Variants in ZNF888 observed in about 807,000 individuals in gnomAD.
ZNF888 encodes CTD-2331H12.6.
A neutral mutation model predicts 7.2 loss-of-function variants in ZNF888; 5 were observed. The ratio of observed to expected loss-of-function variants is 0.70; its 90% CI spans 0.36 to 1.46. ZNF888 has a LOEUF of 1.46. Ranked by LOEUF, ZNF888 falls within the 40% of genes most tolerant of loss-of-function variation. The pLI is 0.03. For missense variants in ZNF888, 716 were observed against 858.0 expected, an observed-to-expected ratio of 0.83 and a Z score of 2.07; for synonymous variants, 240 against 284.3, an observed-to-expected ratio of 0.84 and a Z score of 1.57.
chr19:52,914,315 C>T, intron 4 of ZNF888: 2 of 983,112 alleles, frequency 2.0e-6, no homozygotes, highest in South Asian at 9.4e-5. Context: ...AATATATTCC[C>T]ACCCATCTGG....
chr19:52,916,603 C>T (rs1375180076), intron 3 of ZNF888, among the ~76,000 whole-genome samples: 3 of 48,690 alleles, frequency 6.2e-5, no homozygotes, highest in South Asian at 9.6e-4. Flanking sequence ...TATATACATA[C>T]ATATACATAT....
In ZNF888 at chr19:52,907,698, G is replaced by A. The variant is rs2064627936; in HGVS notation, c.624C>T (p.His208=). The A allele has an allele frequency of 6.2e-7, 1 of 1,611,024 alleles. No individual in the cohort carries two copies. The highest frequency in any genetic ancestry group is 2.2e-5 in the East Asian group (1 of 44,858). ...TAAATTGGAAAGATTTTTCTTTCCTGTGTACATCCTGTTTCTGTGTGAGTA... is the reference window on the plus strand; with the variant it reads ...TAAATTGGAAAGATTTTTCTTTCCTATGTACATCCTGTTTCTGTGTGAGTA... ...SSLLTQKQDV[H]RKEKSFQFNE... The change falls in exon 5 of 5, where the codon CAC becomes CAT. Residue 208 remains histidine (H), a synonymous_variant. Coordinates refer to ENST00000638862, the MANE Select transcript of ZNF888 (RefSeq NM_001393938.1).
intron 4 of ZNF888, chr19:52,914,145 G>C (rs1359315880): frequency 2.5e-5 from 4 of 157,152 alleles, no homozygotes; most frequent in African/African-American, 4.8e-5. Context: ...AGAGCAGAGA[G>C]ATAAGTGAGG....
intron 4 of ZNF888, among the ~76,000 whole-genome samples, chr19:52,908,800 C>T (rs1046255788): frequency 4.1e-5 from 6 of 146,974 alleles, no homozygotes; most frequent in African/African-American, 1.0e-4. Flanking sequence ...GAGCCAACAT[C>T]GCACCACTGC....
chr19:52,913,689 A>G (rs907200765), intron 4 of ZNF888: 7 of 978,140 alleles, frequency 7.2e-6, no homozygotes, highest in Non-Finnish European at 8.5e-6. Context: ...TACCTGCAAC[A>G]ATAACCTCTG....
rs2064844085 is a variant in ZNF888, at chr19:52,923,369, C to T, written c.-178G>A. 1.0e-6 allele frequency: 1 copy of T among 985,860 alleles called. No homozygotes were observed. The highest frequency in any genetic ancestry group is 1.2e-6 in the Non-Finnish European group (1 of 830,026). The allele number at this position is 985,860 out of a possible 1,614,324, so 61.1% of individuals were successfully genotyped here. On this transcript the variant is annotated splice_region_variant and 5_prime_UTR_variant, in exon 1 of 5. Coordinates refer to ENST00000638862, the MANE Select transcript of ZNF888 (RefSeq NM_001393938.1). ...CAATACAACACAGAGCAAAACTCAC[C>T]GCCGCAGTGTGACTTCCAGTCCACG...
chr19:52,918,082 C>T (rs2064771875), intron 2 of ZNF888, 151 bp from the exon 3 acceptor site: 1 of 1,427,392 alleles, frequency 7.0e-7, no homozygotes, highest in Non-Finnish European at 9.1e-7. Flanking sequence ...GGACAATAAA[C>T]TCCTATAGGA....
In ZNF888 at chr19:52,905,506, G is replaced by A. The variant is rs11883167; in HGVS notation, c.*659C>T. The A allele has an allele frequency of 0.36, 59,169 of 162,112 alleles. 14,314 individuals carry two copies. The highest frequency in any genetic ancestry group is 0.69 in the African/African-American group (28,265 of 41,076). 10.0% of individuals were successfully genotyped at this position (162,112 alleles called of 1,614,324 possible). ...AAACAAAAAACAGGCTGGGAAAAGTGGCTCACGCCTGTTGGCCACACTAGT... is the reference window on the plus strand; with the variant it reads ...AAACAAAAAACAGGCTGGGAAAAGTAGCTCACGCCTGTTGGCCACACTAGT... On this transcript the variant is annotated 3_prime_UTR_variant, in exon 5 of 5. Coordinates refer to ENST00000638862, the MANE Select transcript of ZNF888 (RefSeq NM_001393938.1).
intron 1 of ZNF888, among the ~76,000 whole-genome samples, chr19:52,922,690 T>C (rs1044436739): frequency 3.9e-5 from 6 of 152,178 alleles, no homozygotes; most frequent in African/African-American, 1.4e-4. Context: ...TCTGATTCCC[T>C]CTCTCTGTCT....
chr19:52,920,055 G>A (rs2064806525), intron 1 of ZNF888, among the ~76,000 whole-genome samples: 1 of 52,042 alleles, frequency 1.9e-5, no homozygotes, highest in African/African-American at 7.1e-5. Flanking sequence ...CGCCCCGTCC[G>A]GGAGGGAGGT....
At position 52,910,841 on chromosome 19, in the gene ZNF888, T is replaced by C. The variant is rs1215057878; in HGVS notation, c.143-2662A>G. Among the ~76,000 whole-genome samples, 5 of 152,190 alleles carry C rather than the reference T, an allele frequency of 3.3e-5. No homozygotes were observed. In the East Asian group the frequency reaches 9.6e-4, roughly 29 times the overall value. ...GTCTTTGAGATTGAGTCATGCTCTA[T>C]CACCCAGGCTCAAGTGTAGTGGCAT... On this transcript the variant is annotated intron_variant, in intron 4 of 4. Coordinates refer to ENST00000638862, the MANE Select transcript of ZNF888 (RefSeq NM_001393938.1).
chr19:52,909,595 C>T (rs185624670), intron 4 of ZNF888, among the ~76,000 whole-genome samples: 27 of 151,934 alleles, frequency 1.8e-4, no homozygotes, highest in Admixed American at 2.6e-4. Context: ...TTGCATACCA[C>T]GTACCAAAAA....
chr19:52,922,786 G>C (rs773092009), intron 1 of ZNF888, among the ~76,000 whole-genome samples: 2 of 152,204 alleles, frequency 1.3e-5, no homozygotes. Flanking sequence ...AGGGGCTGGA[G>C]CTGGGCAGGC....
At position 52,907,190 on chromosome 19, in the gene ZNF888, C is replaced by T; in HGVS notation, c.1132G>A (p.Gly378Ser). 2 of 1,613,086 alleles carry T rather than the reference C, an allele frequency of 1.2e-6. No homozygotes were observed. The highest frequency in any genetic ancestry group is 1.7e-6 in the Non-Finnish European group (2 of 1,179,734). The part of the protein sequence containing the change: ...YLERHRRIHT[G>S]EKPYKCKVCD... ...ACCTTACATTTGTATGGTTTCTCAC[C>T]AGTGTGAATTCTCCTATGTCTTTCA... The change falls in exon 5 of 5, where the codon GGT (glycine) becomes AGT (serine). Residue 378 changes from glycine to serine, a missense_variant. By Grantham distance (56) the Gly-to-Ser change is moderately conservative (BLOSUM62 0). Around this residue, in one of 2 missense-constraint regions of ZNF888, gnomAD observed 697 missense variants for 803.4 expected, o/e 0.87. Coordinates refer to ENST00000638862, the MANE Select transcript of ZNF888 (RefSeq NM_001393938.1).
At position 52,917,898 on chromosome 19, in the gene ZNF888, C is replaced by T. The variant is rs755221452; in HGVS notation, c.-25G>A. ...TCCCTGACTCCTTTGCTTTCCTCTT[C>T]CTCTTCTGAGTTTCTTCTTCACATA... is the stretch of plus-strand genomic sequence containing the variant. On this transcript the variant is annotated 5_prime_UTR_variant, in exon 3 of 5. Transcript: ENST00000638862. The T allele has an allele frequency of 1.9e-5, 31 of 1,611,716 alleles. No homozygotes were observed. Among genetic ancestry groups the T allele is most frequent in the Non-Finnish European group, 2.5e-5 (29 of 1,180,010 alleles).
rs1320399725 is a variant in ZNF888 at position 52,907,572 on chromosome 19, G to T, written c.750C>A (p.Asp250Glu). 5 of 1,609,340 alleles carry T rather than the reference G, an allele frequency of 3.1e-6. No individual in the cohort carries two copies. The African/African-American group carries it at 4.0e-5, about 13-fold the overall frequency. ...GTGCAAGGTATCGCTTCTGATTAAAGTCTTTGCCACATACATCACATTTAT... is the reference window on the plus strand; with the variant it reads ...GTGCAAGGTATCGCTTCTGATTAAATTCTTTGCCACATACATCACATTTAT... ...KQYKCDVCGK[D>E]FNQKRYLAHH... Residue 250 changes from aspartate (D) to glutamate (E), a missense_variant, in exon 5 of 5, where the codon GAC becomes GAA. Physicochemically the swap from Asp to Glu is conservative, Grantham distance 45. Around this residue, in one of 2 missense-constraint regions of ZNF888, gnomAD observed 697 missense variants for 803.4 expected, o/e 0.87. Coordinates refer to ENST00000638862, the MANE Select transcript of ZNF888 (RefSeq NM_001393938.1).
chr19:52,913,936 G>A (rs1453797414), intron 4 of ZNF888, among the ~76,000 whole-genome samples: 2 of 152,136 alleles, frequency 1.3e-5, no homozygotes, highest in Non-Finnish European at 2.9e-5. Context: ...GACCAGCCTG[G>A]CCAACATGGT....
chr19:52,918,686 A>C (rs1352855984), intron 2 of ZNF888, 133 bp downstream of exon 2: 1 of 152,384 alleles, frequency 6.6e-6, no homozygotes, highest in Non-Finnish European at 1.5e-5. Flanking sequence ...GGATCACTTG[A>C]ACCTGGGATG....
Position 52,907,380 on chromosome 19 carries a change from T to C in ZNF888, c.942A>G (p.Leu314=). 1 of 1,613,260 alleles carries C rather than the reference T, an allele frequency of 6.2e-7. No individual in the cohort carries two copies. The highest frequency in any genetic ancestry group is 1.1e-5 in the South Asian group (1 of 90,972). The change falls in exon 5 of 5, where the codon TTA becomes TTG. Residue 314 remains leucine (L), a synonymous_variant. Transcript: ENST00000638862. ...GKTFSDKSAL[L]VHKTIHTGEK... is the part of the protein sequence containing the mutation. ...CTCCAGTATGAATTGTCTTGTGAAC[T>C]AAGAGGGCTGACTTGTCACTGAACG...
Sources: allele counts gnomAD v4.1 joint callset (sites outside exome capture counted in the v4.1 genomes callset), GRCh38; gene constraint gnomAD v4.1.1; regional missense constraint gnomAD v4.1.1; transcripts MANE v1.5; gene names NCBI Gene and HGNC (gene_info 2026-07-23, HGNC 2026-07-21).